MAST4: variants seen among roughly 807,000 people sequenced by gnomAD.
The protein encoded by MAST4 is microtubule-associated serine/threonine-protein kinase 4.
A neutral mutation model predicts 162.7 loss-of-function variants in MAST4; 89 were observed. The observed-to-expected ratio is 0.55, with a 90% CI of 0.46 to 0.65. MAST4 has a LOEUF of 0.65. Ranked by LOEUF, MAST4 falls within the 30% of genes least tolerant of loss-of-function variation. The pLI is 0.00. For missense variants in MAST4, 3,153 were observed against 3,374.0 expected, an observed-to-expected ratio of 0.93 and a Z score of 1.62; for synonymous variants, 1,479 against 1,361.1, an observed-to-expected ratio of 1.09 and a Z score of -1.91.
chr5:66,921,971 A>G (rs1764569314), intron 4 of MAST4, among the ~76,000 whole-genome samples: 1 of 152,176 alleles, frequency 6.6e-6, no homozygotes, highest in Admixed American at 6.5e-5. Flanking sequence ...TCAAAATGAA[A>G]TGCCACCAGT....
chr5:66,998,994 T>C (rs1363975683), intron 4 of MAST4, among the ~76,000 whole-genome samples: 2 of 152,226 alleles, frequency 1.3e-5, no homozygotes, highest in Non-Finnish European at 2.9e-5. Context: ...TGCCGGGTGA[T>C]GCATTGATCT....
At chr5:66,855,774 A>C (rs1265217561) in intron 3 of MAST4, among the ~76,000 whole-genome samples, 1 of 152,190 alleles carries the variant, frequency 6.6e-6, no homozygotes, top group Non-Finnish European at 1.5e-5. Context: ...TTGTTCTCCC[A>C]GGGGAATGGA....
At chr5:67,042,321 A>G (rs1397006078) in intron 4 of MAST4, among the ~76,000 whole-genome samples, 1 of 152,212 alleles carries the variant, frequency 6.6e-6, no homozygotes, top group Non-Finnish European at 1.5e-5. Context: ...CTCATTACCC[A>G]GACTGAATAC....
intron 1 of MAST4, among the ~76,000 whole-genome samples, chr5:66,620,078 G>A (rs777461574): frequency 1.4e-5 from 2 of 146,354 alleles, no homozygotes; most frequent in Non-Finnish European, 3.0e-5. Context: ...ATGGAGTAAG[G>A]AAAGGGATAG....
At position 67,164,532 on chromosome 5, in the gene MAST4, C is replaced by T; in HGVS notation, c.5353C>T (p.Pro1785Ser). 6.2e-7 allele frequency: 1 copy of T among 1,613,936 alleles called. No individual in the cohort carries two copies. The highest frequency in any genetic ancestry group is 1.1e-5 in the South Asian group (1 of 91,072). ...TCCTGAGTCCCCTGTTAGGAAGAGC[C>T]CCTCCGAGTATAAGCTGGAAGGTAG... ...VAPESPVRKS[P>S]SEYKLEGRSV... Residue 1785 changes from proline (P) to serine (S), a missense_variant, in exon 29 of 29, where the codon CCC becomes TCC. This residue lies in a region of MAST4 where 1,644 missense variants were observed against 1,495.0 expected (regional missense o/e 1.10). Coordinates refer to ENST00000403625, the MANE Select transcript of MAST4 (RefSeq NM_001164664.2). The surrounding 1 kb of genome is among the most constrained non-coding windows in gnomAD (Gnocchi z 5.3).
intron 1 of MAST4, among the ~76,000 whole-genome samples, chr5:66,723,169 C>T (rs887641532): frequency 6.6e-6 from 1 of 152,070 alleles, no homozygotes; most frequent in African/African-American, 2.4e-5. Flanking sequence ...AGAAGTAGCA[C>T]CAGGAACTTA....
chr5:66,840,262 T>C (rs1379031524), intron 3 of MAST4, among the ~76,000 whole-genome samples: 1 of 152,174 alleles, frequency 6.6e-6, no homozygotes, highest in African/African-American at 2.4e-5. Flanking sequence ...TCTTAACATT[T>C]TTCATGATGA....
At chr5:66,629,935 A>C (rs566622011) in intron 1 of MAST4, among the ~76,000 whole-genome samples, 98 of 152,346 alleles carry the variant, frequency 6.4e-4, no homozygotes, top group African/African-American at 2.0e-3. Context: ...TTAACTTGTA[A>C]GTAACAAAGG....
chr5:66,746,407 C>A (rs1011192659), intron 1 of MAST4, among the ~76,000 whole-genome samples: 12 of 152,154 alleles, frequency 7.9e-5, no homozygotes, highest in African/African-American at 2.9e-4. Context: ...TGTAGTTGGG[C>A]ATCTTGGGCT....
At chr5:66,901,992 T>A (rs1480251164) in intron 4 of MAST4, among the ~76,000 whole-genome samples, 2 of 152,154 alleles carry the variant, frequency 1.3e-5, no homozygotes, top group African/African-American at 2.4e-5. Flanking sequence ...CACAAATATA[T>A]CTTTATTAGT....
At chr5:66,883,367 C>G in intron 3 of MAST4, among the ~76,000 whole-genome samples, 1 of 147,582 alleles carries the variant, frequency 6.8e-6, no homozygotes, top group Admixed American at 6.8e-5. Context: ...GAAAAGAGAA[C>G]AAAGATAAGC....
intron 1 of MAST4, among the ~76,000 whole-genome samples, chr5:66,619,519 C>G (rs1743938422): frequency 6.6e-6 from 1 of 152,110 alleles, no homozygotes; most frequent in South Asian, 2.1e-4. Flanking sequence ...TACACGGGTA[C>G]AGATGTGTGC....
chr5:66,690,796 C>G (rs1748990163), intron 1 of MAST4, among the ~76,000 whole-genome samples: 3 of 152,184 alleles, frequency 2.0e-5, no homozygotes, highest in Admixed American at 2.0e-4. Context: ...CTTTGATAAC[C>G]TCATTCCTGT....
intron 1 of MAST4, among the ~76,000 whole-genome samples, chr5:66,635,448 C>T (rs961016311): frequency 6.6e-6 from 1 of 152,128 alleles, no homozygotes; most frequent in Non-Finnish European, 1.5e-5. Flanking sequence ...ATTGTTTATA[C>T]TTACTTTTGT....
intron 1 of MAST4, among the ~76,000 whole-genome samples, chr5:66,687,504 G>A (rs1469857002): frequency 3.4e-5 from 5 of 148,612 alleles, no homozygotes; most frequent in African/African-American, 1.3e-4. Context: ...GTATATGTAT[G>A]TATACATAGA....
intron 1 of MAST4, among the ~76,000 whole-genome samples, chr5:66,754,505 T>G (rs997007944): frequency 9.2e-5 from 14 of 152,228 alleles, no homozygotes; most frequent in Admixed American, 5.2e-4. Flanking sequence ...TTTATTCTAT[T>G]TTTTCAATAA....
At chr5:67,161,014 T>C (rs1388313588) in intron 27 of MAST4, among the ~76,000 whole-genome samples, 1 of 152,232 alleles carries the variant, frequency 6.6e-6, no homozygotes, top group Non-Finnish European at 1.5e-5. Context: ...ACTGTTACCT[T>C]TAAAGGTTCC....
Position 67,100,317 on chromosome 5 carries a change from A to G in MAST4, c.913-118A>G, listed in dbSNP as rs1228401535. The G allele has an allele frequency of 6.2e-6, 6 of 974,306 alleles. No individual in the cohort carries two copies. The African/African-American group carries it at 9.9e-5, about 16-fold the overall frequency. The allele number at this position is 974,306 out of a possible 1,614,324, so 60.4% of individuals were successfully genotyped here. On this transcript the variant is annotated intron_variant, in intron 7 of 28. Transcript: ENST00000403625. ...AGGCAGTCGTTCTTATAACTTTAAC[A>G]TGAAAAAGAAACAATAAAAATGGTG... is the stretch of plus-strand genomic sequence containing the variant.
At chr5:66,663,023 T>A (rs963892064) in intron 1 of MAST4, 2 of 152,240 alleles carry the variant, frequency 1.3e-5, no homozygotes, top group Non-Finnish European at 2.9e-5. Flanking sequence ...GTATTTTTAG[T>A]AGAGACGGGG....
Sources: gnomAD v4.1 joint callset for allele counts (sites outside exome capture counted in the v4.1 genomes callset) on GRCh38, gnomAD v4.1.1 for gene constraint, gnomAD v4.1.1 regional missense constraint, Gnocchi (gnomAD v3.1) non-coding constraint, MANE v1.5 for transcripts, NCBI Gene and HGNC (gene_info 2026-07-23, HGNC 2026-07-21) for gene names.